PPM1L: variants seen among roughly 807,000 people sequenced by gnomAD.
The protein encoded by PPM1L is protein phosphatase, Mg2+/Mn2+ dependent 1L.
In PPM1L, 13 loss-of-function variants were observed where a neutral mutation model predicts 31.4. The observed-to-expected ratio is 0.41, with a 90% confidence interval of 0.27 to 0.66. PPM1L has a LOEUF of 0.66. Ranked by LOEUF, PPM1L falls within the 30% of genes least tolerant of loss-of-function variation. The pLI is 0.29. For synonymous variants in PPM1L, 184 were observed against 175.4 expected (o/e 1.05, Z -0.39); for missense variants, 326 against 453.7 (o/e 0.72, Z 2.56).
chr3:160,837,602 G>C (rs145326560), intron 1 of PPM1L, among the ~76,000 whole-genome samples: 24 of 152,296 alleles, frequency 1.6e-4, no homozygotes, highest in African/African-American at 5.8e-4. Flanking sequence ...TGTACATCTT[G>C]TCAGGAAGGC....
intron 1 of PPM1L, among the ~76,000 whole-genome samples, chr3:160,877,835 T>A (rs1484907816): frequency 2.0e-5 from 3 of 152,316 alleles, no homozygotes; most frequent in Non-Finnish European, 4.4e-5. Flanking sequence ...GTTTTCTACT[T>A]GGCCAGTGCT....
intron 1 of PPM1L, among the ~76,000 whole-genome samples, chr3:160,960,661 G>A (rs1474177894): frequency 6.6e-6 from 1 of 151,358 alleles, no homozygotes; most frequent in Non-Finnish European, 1.5e-5. Flanking sequence ...TTCATTGATT[G>A]ATTTATTAAC....
chr3:160,835,435 T>G (rs1214934113), intron 1 of PPM1L, among the ~76,000 whole-genome samples: 1 of 152,236 alleles, frequency 6.6e-6, no homozygotes, highest in East Asian at 1.9e-4. Context: ...CTAAATTTTT[T>G]TACTTGTGTT....
chr3:160,932,889 G>T (rs1356120458), intron 1 of PPM1L, among the ~76,000 whole-genome samples: 2 of 152,164 alleles, frequency 1.3e-5, no homozygotes, highest in East Asian at 3.8e-4. Context: ...ATTGGGAAAT[G>T]GCTGTGATAA....
Position 161,077,975 on chromosome 3 carries a change from G to A in PPM1L, c.*8818G>A, listed in dbSNP as rs1429377623. 6.6e-6 allele frequency: 1 copy of A among 152,140 alleles called. No individual in the cohort carries two copies. Among genetic ancestry groups the A allele is most frequent in the Non-Finnish European group, 1.5e-5 (1 of 68,032 alleles). 9.4% of individuals were successfully genotyped at this position (152,140 alleles called of 1,614,324 possible). A position where few individuals can be genotyped will look rare whatever the true frequency, so the allele number is the denominator to read the frequency against. On this transcript the variant is annotated 3_prime_UTR_variant, in exon 4 of 4. Coordinates refer to ENST00000498165, the MANE Select transcript of PPM1L (RefSeq NM_139245.4). ...AAATAATACTAGTTATTGCCAAATT[G>A]CATTAGAATCCTATTGAATTAGAAT...
At chr3:160,946,598 C>T (rs192895635) in intron 1 of PPM1L, among the ~76,000 whole-genome samples, 2 of 152,224 alleles carry the variant, frequency 1.3e-5, no homozygotes, top group East Asian at 3.9e-4. Flanking sequence ...CCACTCTATA[C>T]ATTTGAGTAT....
chr3:161,061,602 A>G (rs1268244030), intron 2 of PPM1L, among the ~76,000 whole-genome samples: 1 of 152,232 alleles, frequency 6.6e-6, no homozygotes, highest in Admixed American at 6.5e-5. Flanking sequence ...AAATTAAAAA[A>G]CAATATAACA....
chr3:161,068,521 C>T (rs1009475683), intron 3 of PPM1L, among the ~76,000 whole-genome samples: 4 of 152,196 alleles, frequency 2.6e-5, no homozygotes, highest in Non-Finnish European at 4.4e-5. Flanking sequence ...TGAGCCACCA[C>T]GGTGTTAAGT....
intron 1 of PPM1L, among the ~76,000 whole-genome samples, chr3:160,855,557 A>G (rs1046011370): frequency 1.3e-5 from 2 of 152,228 alleles, no homozygotes; most frequent in African/African-American, 4.8e-5. Flanking sequence ...AAAGTGGACA[A>G]AGAGCATGAA....
At chr3:160,918,871 G>A (rs1714285269) in intron 1 of PPM1L, among the ~76,000 whole-genome samples, 1 of 152,074 alleles carries the variant, frequency 6.6e-6, no homozygotes, top group Non-Finnish European at 1.5e-5. Flanking sequence ...AAATTAGATG[G>A]CAGTAAATAA....
chr3:161,049,441 T>A (rs1416112262), intron 2 of PPM1L, among the ~76,000 whole-genome samples: 1 of 152,224 alleles, frequency 6.6e-6, no homozygotes, highest in East Asian at 1.9e-4. Flanking sequence ...CTTTAAAGAA[T>A]CCTTAAATAA....
At chr3:161,027,023 C>T (rs1718420184) in intron 2 of PPM1L, among the ~76,000 whole-genome samples, 1 of 152,174 alleles carries the variant, frequency 6.6e-6, no homozygotes, top group Admixed American at 6.5e-5. Context: ...TACGCAAGGT[C>T]TCTATGCATT....
At chr3:160,994,308 T>G (rs896340046) in intron 2 of PPM1L, among the ~76,000 whole-genome samples, 1 of 152,108 alleles carries the variant, frequency 6.6e-6, no homozygotes, top group Non-Finnish European at 1.5e-5. Context: ...GGCAGCAGCC[T>G]TGGCAGGATA....
chr3:161,062,513 C>G (rs1719602991), intron 2 of PPM1L, among the ~76,000 whole-genome samples: 1 of 152,144 alleles, frequency 6.6e-6, no homozygotes, highest in South Asian at 2.1e-4. Context: ...TCATTAATTC[C>G]ACCTGTTCTC....
chr3:160,995,117 T>G (rs1390740771), intron 2 of PPM1L, among the ~76,000 whole-genome samples: 1 of 152,054 alleles, frequency 6.6e-6, no homozygotes, highest in Non-Finnish European at 1.5e-5. Context: ...AGATGGAGGT[T>G]TTCAATGTTC....
chr3:160,921,147 G>A (rs1714388556), intron 1 of PPM1L, among the ~76,000 whole-genome samples: 1 of 152,100 alleles, frequency 6.6e-6, no homozygotes, highest in Non-Finnish European at 1.5e-5. Flanking sequence ...AGAAAACAAA[G>A]ACAGCAAAAA....
chr3:160,870,391 A>G (rs1340674010), intron 1 of PPM1L, among the ~76,000 whole-genome samples: 1 of 152,238 alleles, frequency 6.6e-6, no homozygotes, highest in African/African-American at 2.4e-5. Flanking sequence ...CGAATGGTTC[A>G]AAAATAATTT....
chr3:160,921,445 C>G (rs1413551915), intron 1 of PPM1L, among the ~76,000 whole-genome samples: 1 of 152,118 alleles, frequency 6.6e-6, no homozygotes, highest in Non-Finnish European at 1.5e-5. Flanking sequence ...GCTTCCAACT[C>G]TAGTTTCTTC....
At chr3:160,981,240 T>G (rs1716786867) in intron 2 of PPM1L, among the ~76,000 whole-genome samples, 1 of 152,246 alleles carries the variant, frequency 6.6e-6, no homozygotes, top group Non-Finnish European at 1.5e-5. Context: ...TCATATAATT[T>G]CTGAGGATCA....
Sources: allele counts gnomAD v4.1 joint callset (sites outside exome capture counted in the v4.1 genomes callset), GRCh38; gene constraint gnomAD v4.1.1; transcripts MANE v1.5; gene names NCBI Gene and HGNC (gene_info 2026-07-23, HGNC 2026-07-21).